RBFOX1: variants seen among roughly 807,000 people sequenced by gnomAD.
RBFOX1 encodes RNA binding protein fox-1 homolog 1.
Under a neutral mutation model 57.7 loss-of-function variants are expected in RBFOX1, and 8 were observed. The ratio of observed to expected loss-of-function variants is 0.14; its 90% CI spans 0.08 to 0.25. RBFOX1 has a LOEUF of 0.25. Among genes scored for constraint, RBFOX1 ranks in the 10% least tolerant of loss-of-function variants. The pLI is 1.00. For synonymous variants in RBFOX1, 326 were observed against 222.4 expected (o/e 1.47, Z -4.15); for missense variants, 611 against 548.5 (o/e 1.11, Z -1.14).
intron 3 of RBFOX1, among the ~76,000 whole-genome samples, chr16:6,744,205 C>A (rs988815623): frequency 6.6e-6 from 1 of 152,012 alleles, no homozygotes; most frequent in Admixed American, 6.6e-5. Context: ...TGCACCTCAA[C>A]TTTAAAATAC....
chr16:6,667,821 C>T (rs1475990757), intron 3 of RBFOX1, among the ~76,000 whole-genome samples: 2 of 151,830 alleles, frequency 1.3e-5, no homozygotes, highest in African/African-American at 4.8e-5. Context: ...CCCAGGAGTT[C>T]GAGGCTGCAG....
At chr16:6,538,525 A>G (rs944110919) in intron 2 of RBFOX1, among the ~76,000 whole-genome samples, 1 of 152,150 alleles carries the variant, frequency 6.6e-6, no homozygotes, top group Non-Finnish European at 1.5e-5. Flanking sequence ...TATGAAAATC[A>G]TGAGGAGACA....
chr16:6,665,442 C>T (rs1274395404), intron 3 of RBFOX1, among the ~76,000 whole-genome samples: 1 of 151,990 alleles, frequency 6.6e-6, no homozygotes, highest in Non-Finnish European at 1.5e-5. Context: ...GGTGAAACCC[C>T]ATCGCTGCTA....
chr16:6,352,580 A>G (rs2086602224), intron 2 of RBFOX1, among the ~76,000 whole-genome samples: 1 of 152,208 alleles, frequency 6.6e-6, no homozygotes, highest in African/African-American at 2.4e-5. Flanking sequence ...AAAACAAAAA[A>G]ACAAACAAAC....
At chr16:6,856,175 C>G (rs1239094170) in intron 3 of RBFOX1, among the ~76,000 whole-genome samples, 1 of 151,154 alleles carries the variant, frequency 6.6e-6, no homozygotes, top group African/African-American at 2.4e-5. Context: ...CTTTCCTTCC[C>G]TTCTTCAAAT....
In RBFOX1 at chr16:6,908,574, C is replaced by T. The variant is rs185175973; in HGVS notation, c.-15-143483C>T. 4.6e-5 allele frequency among the ~76,000 whole-genome samples: 7 copies of T among 152,336 alleles called. No individual in the cohort carries two copies. The East Asian group carries it at 9.7e-4, about 21-fold the overall frequency. ...TTTCAGAGTGCCAAGCATGTCTTAT[C>T]CATGTGCCTGGCACAGTGCTGAACC... is the stretch of plus-strand genomic sequence containing the variant. On this transcript the variant is annotated intron_variant, in intron 3 of 15. Coordinates refer to ENST00000550418, the MANE Select transcript of RBFOX1 (RefSeq NM_018723.4).
chr16:6,870,252 G>C (rs13332025), intron 3 of RBFOX1, among the ~76,000 whole-genome samples: 6 of 152,072 alleles, frequency 3.9e-5, no homozygotes, highest in African/African-American at 1.4e-4. Flanking sequence ...TGGGGCAATG[G>C]AGAGAGCATT....
At chr16:7,133,242 C>G (rs554884442) in intron 4 of RBFOX1, among the ~76,000 whole-genome samples, 209 of 152,160 alleles carry the variant, frequency 1.4e-3, no homozygotes, top group African/African-American at 4.9e-3. Context: ...CAATATATGA[C>G]AGAATTTTAT....
chr16:5,704,200 C>T (rs768863440), intron 3 of RBFOX1, among the ~76,000 whole-genome samples: 5 of 152,098 alleles, frequency 3.3e-5, no homozygotes, highest in Non-Finnish European at 5.9e-5. Context: ...TGGAGGAGGA[C>T]AGGAATCACA....
chr16:7,307,393 C>T (rs1223314759), intron 4 of RBFOX1, among the ~76,000 whole-genome samples: 1 of 152,158 alleles, frequency 6.6e-6, no homozygotes, highest in Non-Finnish European at 1.5e-5. Context: ...ATTGGGGTGC[C>T]TCAGCATCGG....
intron 1 of RBFOX1, among the ~76,000 whole-genome samples, chr16:6,265,179 C>T (rs146870289): frequency 3.5e-4 from 53 of 152,276 alleles, no homozygotes; most frequent in African/African-American, 8.2e-4. Flanking sequence ...TTATGCTCTT[C>T]GCACACTCAC....
intron 2 of RBFOX1, among the ~76,000 whole-genome samples, chr16:5,553,453 C>G (rs1294555828): frequency 6.6e-6 from 1 of 151,714 alleles, no homozygotes; most frequent in Admixed American, 6.6e-5. Flanking sequence ...GTAGCTGGGA[C>G]TACAGGCGCC....
chr16:6,512,576 C>T (rs939642961), intron 2 of RBFOX1, among the ~76,000 whole-genome samples: 1 of 152,168 alleles, frequency 6.6e-6, no homozygotes, highest in Non-Finnish European at 1.5e-5. Context: ...TTTTAGTCTT[C>T]TGCCTCCAAT....
chr16:7,258,618 G>A (rs1323561577), intron 4 of RBFOX1, among the ~76,000 whole-genome samples: 15 of 152,068 alleles, frequency 9.9e-5, no homozygotes, highest in Admixed American at 7.9e-4. Flanking sequence ...TATCATATAA[G>A]CAAAATAATA....
chr16:6,205,151 C>A (rs1454021165), intron 1 of RBFOX1, among the ~76,000 whole-genome samples: 1 of 152,138 alleles, frequency 6.6e-6, no homozygotes, highest in Non-Finnish European at 1.5e-5. Flanking sequence ...CATTAGTGTG[C>A]TAGCAATTTG....
intron 2 of RBFOX1, among the ~76,000 whole-genome samples, chr16:6,557,172 T>C (rs1271513951): frequency 6.8e-6 from 1 of 147,852 alleles, no homozygotes; most frequent in Non-Finnish European, 1.5e-5. Context: ...CACATATATA[T>C]ATATACATAT....
At chr16:6,576,266 G>A (rs894634571) in intron 2 of RBFOX1, among the ~76,000 whole-genome samples, 1 of 152,164 alleles carries the variant, frequency 6.6e-6, no homozygotes, top group Admixed American at 6.5e-5. Flanking sequence ...TGGTCAGGAT[G>A]TGCTGACACA....
intron 5 of RBFOX1, among the ~76,000 whole-genome samples, chr16:7,532,555 C>G (rs965306441): frequency 6.6e-6 from 1 of 152,206 alleles, no homozygotes; most frequent in Non-Finnish European, 1.5e-5. Context: ...TTTCTCCTTG[C>G]CTAGTCTAGC....
At chr16:5,638,058 A>C (rs2048742350) in intron 3 of RBFOX1, among the ~76,000 whole-genome samples, 1 of 152,196 alleles carries the variant, frequency 6.6e-6, no homozygotes. Context: ...TCCTTTTCTA[A>C]ATGACTGAAG....
Sources: gnomAD v4.1 joint callset for allele counts (sites outside exome capture counted in the v4.1 genomes callset) on GRCh38, gnomAD v4.1.1 for gene constraint, MANE v1.5 for transcripts, NCBI Gene and HGNC (gene_info 2026-07-23, HGNC 2026-07-21) for gene names.